Variants in RYR2 observed in about 807,000 individuals in gnomAD.
The protein encoded by RYR2 is cardiac muscle ryanodine receptor-calcium release channel.
In RYR2, 227 loss-of-function variants were observed where a neutral mutation model predicts 601.1. That is an observed-to-expected ratio of 0.38 (90% CI 0.34 to 0.42). The LOEUF is 0.42. RYR2 is among the 10% of genes least tolerant of loss of function. RYR2 has a pLI of 1.00. For missense variants in RYR2, 4,646 were observed against 6,156.5 expected, an observed-to-expected ratio of 0.75 and a Z score of 8.21; for synonymous variants, 2,223 against 2,175.1, an observed-to-expected ratio of 1.02 and a Z score of -0.61.
chr1:237,602,305 T>A (rs1676590638), intron 35 of RYR2, among the ~76,000 whole-genome samples, 194 bp downstream of exon 35: 1 of 152,100 alleles, frequency 6.6e-6, no homozygotes, highest in Non-Finnish European at 1.5e-5. Flanking sequence ...TGTTTCTCTT[T>A]AGTTATCATA....
At chr1:237,429,977 A>T (rs1161147502) in intron 12 of RYR2, among the ~76,000 whole-genome samples, 1 of 151,836 alleles carries the variant, frequency 6.6e-6, no homozygotes, top group Non-Finnish European at 1.5e-5. Flanking sequence ...ATCTGGAAAG[A>T]TATTCTTGTA....
chr1:237,687,366 C>CTTCTTTTT, intron 62 of RYR2, 89 bp from the exon 63 acceptor site: 1 of 257,686 alleles, frequency 3.9e-6, no homozygotes, highest in Non-Finnish European at 7.1e-6. Flanking sequence ...TTTTCTTCTT[C>CTTCTTTTT]TTTTTTTTTT....
chr1:237,214,060 A>G (rs780708512), intron 1 of RYR2, among the ~76,000 whole-genome samples: 58 of 151,628 alleles, frequency 3.8e-4, no homozygotes, highest in Non-Finnish European at 6.2e-4. Flanking sequence ...AGCTGGGACT[A>G]CATGCATGCA....
chr1:237,246,064 G>A (rs1222505918), intron 1 of RYR2, among the ~76,000 whole-genome samples: 2 of 151,722 alleles, frequency 1.3e-5, no homozygotes, highest in Non-Finnish European at 2.9e-5. Flanking sequence ...ACAGGCGTGA[G>A]CCACCACACC....
chr1:237,531,640 C>T (rs536820057), intron 25 of RYR2, among the ~76,000 whole-genome samples: 2 of 152,156 alleles, frequency 1.3e-5, no homozygotes, highest in African/African-American at 4.8e-5. Context: ...TTAAGCAAGT[C>T]TCTAGTTCAA....
rs182046417 is a variant in RYR2 at position 237,052,113 on chromosome 1, G to C, written c.48+9544G>C. ...CAGTTTACTAGGGTACCTTAATGCAGTGTGTGTGAACGGGATACCTCTTTT... is the reference window on the plus strand; with the variant it reads ...CAGTTTACTAGGGTACCTTAATGCACTGTGTGTGAACGGGATACCTCTTTT... On this transcript the variant is annotated intron_variant, in intron 1 of 104. Transcript: ENST00000366574. Among the ~76,000 whole-genome samples, 107 of 152,288 alleles carry C rather than the reference G, an allele frequency of 7.0e-4. 1 individual carries two copies. The highest frequency in any genetic ancestry group is 1.3e-3 in the Non-Finnish European group (91 of 68,030).
chr1:237,147,440 C>T (rs1279485809), intron 1 of RYR2, among the ~76,000 whole-genome samples: 1 of 152,122 alleles, frequency 6.6e-6, no homozygotes, highest in African/African-American at 2.4e-5. Flanking sequence ...TTATCTGTTG[C>T]TTTGTGTATT....
At chr1:237,443,074 C>T (rs1708051026) in intron 13 of RYR2, among the ~76,000 whole-genome samples, 2 of 152,134 alleles carry the variant, frequency 1.3e-5, no homozygotes. Flanking sequence ...TCTTTCCTCA[C>T]AGTGTTCTCC....
At chr1:237,143,987 C>T (rs755740165) in intron 1 of RYR2, among the ~76,000 whole-genome samples, 69 of 151,916 alleles carry the variant, frequency 4.5e-4, no homozygotes, top group Middle Eastern at 3.2e-3. Flanking sequence ...AAATTAGCTG[C>T]GCATGGTGAC....
At position 237,180,716 on chromosome 1, in the gene RYR2, A is replaced by G. The variant is rs1038363990; in HGVS notation, c.49-89781A>G. Among the ~76,000 whole-genome samples the G allele has an allele frequency of 2.0e-5, 3 of 147,998 alleles. No homozygotes were observed. Among genetic ancestry groups the G allele is most frequent in the African/African-American group, 7.4e-5 (3 of 40,738 alleles). ...TATATATAAGTATATATACACATAT[A>G]TACATATACATAGATATATGCTATT... On this transcript the variant is annotated intron_variant, in intron 1 of 104. Coordinates refer to ENST00000366574, the MANE Select transcript of RYR2 (RefSeq NM_001035.3). The surrounding 1 kb of genome is among the most constrained non-coding windows in gnomAD (Gnocchi z 5.3).
intron 82 of RYR2, 141 bp from the exon 83 acceptor site, chr1:237,759,635 T>C (rs889027228): frequency 3.0e-6 from 2 of 657,928 alleles, no homozygotes; most frequent in Admixed American, 5.1e-5. Flanking sequence ...TACTTCATGA[T>C]AAAGATGGCA....
chr1:237,584,569 T>C (rs1674293509), intron 29 of RYR2, among the ~76,000 whole-genome samples: 1 of 151,806 alleles, frequency 6.6e-6, no homozygotes, highest in Non-Finnish European at 1.5e-5. Context: ...TGGAGACACC[T>C]GATACTCTAT....
intron 1 of RYR2, among the ~76,000 whole-genome samples, chr1:237,218,219 C>T (rs978978936): frequency 3.3e-5 from 5 of 152,082 alleles, no homozygotes; most frequent in Non-Finnish European, 7.4e-5. Flanking sequence ...GGAATCCTTA[C>T]TGAATGAAAA....
At chr1:237,663,679 A>G (rs896412710) in intron 56 of RYR2, among the ~76,000 whole-genome samples, 6 of 152,342 alleles carry the variant, frequency 3.9e-5, no homozygotes, top group Admixed American at 2.0e-4. Flanking sequence ...GATGCTTGTC[A>G]ATCACTTAAA....
intron 1 of RYR2, among the ~76,000 whole-genome samples, chr1:237,057,710 A>G (rs948504414): frequency 6.6e-6 from 1 of 152,182 alleles, no homozygotes; most frequent in African/African-American, 2.4e-5. Context: ...GAAAGAGACC[A>G]TAATCTAAGG....
chr1:237,412,920 C>T (rs1704589331), intron 10 of RYR2, among the ~76,000 whole-genome samples: 1 of 152,094 alleles, frequency 6.6e-6, no homozygotes. Flanking sequence ...CAATTGTCCT[C>T]CTAGACTCTG....
chr1:237,260,775 T>C (rs1413072073), intron 1 of RYR2, among the ~76,000 whole-genome samples: 1 of 152,268 alleles, frequency 6.6e-6, no homozygotes, highest in African/African-American at 2.4e-5. Context: ...AAATGTTGTC[T>C]ATACATTTAT....
chr1:237,425,888 C>T (rs564035979), intron 12 of RYR2, among the ~76,000 whole-genome samples: 18 of 151,988 alleles, frequency 1.2e-4, no homozygotes, highest in Non-Finnish European at 2.4e-4. Context: ...GTTTGGTGTT[C>T]TGCTTTCATT....
At chr1:237,101,318 A>AAC (rs1553295431) in intron 1 of RYR2, among the ~76,000 whole-genome samples, 2,285 of 144,126 alleles carry the variant, frequency 0.016, 32 homozygotes, top group African/African-American at 0.024. Context: ...AAAAAAAAAA[A>AAC]AAAAAACCTC....
Sources: gnomAD v4.1 joint callset for allele counts (sites outside exome capture counted in the v4.1 genomes callset) on GRCh38, gnomAD v4.1.1 for gene constraint, Gnocchi (gnomAD v3.1) non-coding constraint, MANE v1.5 for transcripts, NCBI Gene and HGNC (gene_info 2026-07-23, HGNC 2026-07-21) for gene names.